The following WWP2 variants were observed in gnomAD, a reference collection of about 807,000 sequenced individuals.
The protein encoded by WWP2 is NEDD4-like E3 ubiquitin-protein ligase WWP2.
A neutral mutation model predicts 121.0 loss-of-function variants in WWP2; 57 were observed. That is an observed-to-expected ratio of 0.47 (90% CI 0.38 to 0.59). The LOEUF is 0.59. Ranked by LOEUF, WWP2 falls within the 20% of genes least tolerant of loss-of-function variation. The pLI is 0.00. For missense variants in WWP2, 962 were observed against 1,158.9 expected (o/e 0.83, Z 2.47); for synonymous variants, 449 against 441.3 (o/e 1.02, Z -0.22).
intron 15 of WWP2, 69 bp from the exon 16 acceptor site, chr16:69,931,733 C>T: frequency 6.3e-7 from 1 of 1,584,132 alleles, no homozygotes; most frequent in Non-Finnish European, 8.7e-7. Flanking sequence ...TTAGAGTCCC[C>T]TGTCCCTCCC....
At chr16:69,815,436 C>T (rs2056470100) in intron 4 of WWP2, among the ~76,000 whole-genome samples, 2 of 150,966 alleles carry the variant, frequency 1.3e-5, no homozygotes, top group African/African-American at 4.9e-5. Context: ...GAGCTATGAT[C>T]ATGGCACTGT....
At chr16:69,885,738 G>A (rs1339065854) in intron 7 of WWP2, among the ~76,000 whole-genome samples, 1 of 152,178 alleles carries the variant, frequency 6.6e-6, no homozygotes, top group Non-Finnish European at 1.5e-5. Flanking sequence ...TAGCCTCTTT[G>A]AGCTATAGTT....
At position 69,917,667 on chromosome 16, in the gene WWP2, G is replaced by A. The variant is rs200079228; in HGVS notation, c.1005-42G>A. ...ACTTTTCTAGAATTGGGGGATGGGA[G>A]TGGGGTGGTCATTATATTCATTCTG... On this transcript the variant is annotated intron_variant, in intron 9 of 23. Coordinates refer to ENST00000359154, the MANE Select transcript of WWP2 (RefSeq NM_001270454.2). 902 of 1,588,444 alleles carry A rather than the reference G, an allele frequency of 5.7e-4. 2 individuals carry two copies. Among genetic ancestry groups the A allele is most frequent in the Non-Finnish European group, 7.1e-4 (828 of 1,159,362 alleles).
intron 4 of WWP2, among the ~76,000 whole-genome samples, chr16:69,830,340 C>T (rs141631106): frequency 0.032 from 4,828 of 152,120 alleles, 242 homozygotes; most frequent in African/African-American, 0.11. Context: ...CCTCCTGCCT[C>T]GGCCTCCCAA....
Position 69,850,467 on chromosome 16 carries a change from G to A in WWP2, c.575+8347G>A, listed in dbSNP as rs150711615. Among the ~76,000 whole-genome samples, 333 of 152,076 alleles carry A rather than the reference G, an allele frequency of 2.2e-3. 2 individuals carry two copies. The highest frequency in any genetic ancestry group is 5.6e-3 in the South Asian group (27 of 4,806). On this transcript the variant is annotated intron_variant, in intron 6 of 23. Transcript: ENST00000359154. ...TAGTAGGAGACAGATGCATGGATGA[G>A]TTAGAGTCTAGTGTGATGGATCCAT...
intron 23 of WWP2, 84 bp downstream of exon 23, chr16:69,939,497 A>C (rs1485466087): frequency 6.9e-6 from 10 of 1,450,882 alleles, no homozygotes; most frequent in African/African-American, 1.4e-5. Context: ...TAGCAGCTTC[A>C]TAGCCTCGAG....
At position 69,799,267 on chromosome 16, in the gene WWP2, C is replaced by T. The variant is rs1227193784; in HGVS notation, c.312C>T (p.Ser104=). 2.5e-6 allele frequency: 4 copies of T among 1,614,074 alleles called. No homozygotes were observed. The highest frequency in any genetic ancestry group is 2.2e-5 in the East Asian group (1 of 44,876). Residue 104 remains serine (S), a synonymous_variant, in exon 4 of 24, where the codon TCC becomes TCT. Coordinates refer to ENST00000359154, the MANE Select transcript of WWP2 (RefSeq NM_001270454.2). This position sits in a 1 kb window ranked among gnomAD's most constrained non-coding sequence, Gnocchi z 4.5. ...ELLGTASVNL[S]NVLKNNGGKM... ...TAGGCACCGCATCTGTCAACCTCTCCAACGTCTTGAAGAACAATGGGGGCA... is the reference window on the plus strand; with the variant it reads ...TAGGCACCGCATCTGTCAACCTCTCTAACGTCTTGAAGAACAATGGGGGCA...
At chr16:69,813,887 A>G (rs552881200) in intron 4 of WWP2, among the ~76,000 whole-genome samples, 1 of 152,300 alleles carries the variant, frequency 6.6e-6, no homozygotes, top group East Asian at 1.9e-4. Flanking sequence ...AACATAATCC[A>G]ATATAGGTAA....
chr16:69,768,484 C>A lies in WWP2; in HGVS notation c.-16+6093C>A, dbSNP rs545733937. ...AATTAGCTAGGCGTGGTGGCAGACA[C>A]CTGTAATCCCAGCTACTTGGGAGCC... is the stretch of plus-strand genomic sequence containing the variant. On this transcript the variant is annotated intron_variant, in intron 1 of 23. Coordinates refer to ENST00000359154, the MANE Select transcript of WWP2 (RefSeq NM_001270454.2). Among the ~76,000 whole-genome samples, 4 of 152,228 alleles carry A rather than the reference C, an allele frequency of 2.6e-5. No individual in the cohort carries two copies. The South Asian group carries it at 8.3e-4, about 32-fold the overall frequency.
intron 4 of WWP2, among the ~76,000 whole-genome samples, chr16:69,816,774 C>T (rs2056500805): frequency 6.6e-6 from 1 of 152,062 alleles, no homozygotes. Context: ...CACATACACA[C>T]ATACACATAT....
In WWP2 at chr16:69,935,854, C is replaced by T. The variant is rs779594319; in HGVS notation, c.1844C>T (p.Ala615Val). 1 of 1,612,050 alleles carries T rather than the reference C, an allele frequency of 6.2e-7. No individual in the cohort carries two copies. The highest frequency in any genetic ancestry group is 1.1e-5 in the South Asian group (1 of 90,742). ...TGTGCTGTGCCTCTTCCTTCCCAGG[C>T]GCTGTACCATGGAAAGTTCATCGAC... ...FRFIGRFIAM[A>V]LYHGKFIDTG... The change falls in exon 18 of 24, where the codon GCG (alanine) becomes GTG (valine). Residue 615 changes from alanine to valine, a missense_variant and splice_region_variant. Ala to Val is a moderately conservative substitution (Grantham distance 64). This residue lies in a region of WWP2 where 606 missense variants were observed against 772.6 expected (regional missense o/e 0.78). Coordinates refer to ENST00000359154, the MANE Select transcript of WWP2 (RefSeq NM_001270454.2). This position sits in a 1 kb window ranked among gnomAD's most constrained non-coding sequence, Gnocchi z 5.2.
chr16:69,796,963 TG>T (rs1422602350), intron 2 of WWP2, among the ~76,000 whole-genome samples: 3 of 152,222 alleles, frequency 2.0e-5, no homozygotes, highest in Non-Finnish European at 4.4e-5. Context: ...CAGAAGAGTC[TG>T]GGAGGGAGGG....
Position 69,941,534 on chromosome 16 carries a change from G to T in WWP2, c.*1594G>T. On this transcript the variant is annotated 3_prime_UTR_variant, in exon 24 of 24. Transcript: ENST00000359154. ...ATGGAAGCCGCTCCAGGGTGGGTCA[G>T]GGTGCAAGCTGCTGGTGAGGTTTGG... 6.5e-6 allele frequency: 1 copy of T among 154,150 alleles called. No individual in the cohort carries two copies. Among genetic ancestry groups the T allele is most frequent in the Non-Finnish European group, 1.5e-5 (1 of 68,240 alleles). The allele number at this position is 154,150 out of a possible 1,614,324, so 9.5% of individuals were successfully genotyped here. A position where few individuals can be genotyped will look rare whatever the true frequency, so the allele number is the denominator to read the frequency against.
At chr16:69,904,224 G>C (rs945470031) in intron 8 of WWP2, among the ~76,000 whole-genome samples, 6 of 152,222 alleles carry the variant, frequency 3.9e-5, no homozygotes, top group Non-Finnish European at 7.3e-5. Flanking sequence ...TGAAGCTACA[G>C]TATGTCGGCT....
At chr16:69,916,440 A>G (rs187426283) in intron 9 of WWP2, among the ~76,000 whole-genome samples, 15 of 152,220 alleles carry the variant, frequency 9.9e-5, no homozygotes, top group Non-Finnish European at 1.6e-4. Context: ...TTTGAGCAGG[A>G]GTGTGACCGA....
chr16:69,910,610 C>T (rs2058365838), intron 9 of WWP2, among the ~76,000 whole-genome samples: 1 of 152,116 alleles, frequency 6.6e-6, no homozygotes. Context: ...AGGGTTTCAC[C>T]ATTTTGGCCA....
At chr16:69,863,926 A>G (rs2057472647) in intron 6 of WWP2, among the ~76,000 whole-genome samples, 1 of 152,194 alleles carries the variant, frequency 6.6e-6, no homozygotes, top group African/African-American at 2.4e-5. Context: ...TTATTCCACT[A>G]TGTGTATGTA....
chr16:69,824,513 C>CCCCTCCCCCT (rs1425127439), intron 4 of WWP2, among the ~76,000 whole-genome samples: 4 of 138,892 alleles, frequency 2.9e-5, no homozygotes, highest in African/African-American at 7.9e-5. Context: ...CCTCCCTTCC[C>CCCCTCCCCCT]CCCTCCCCCT....
Position 69,939,952 on chromosome 16 carries a change from C to T in WWP2, c.*12C>T, listed in dbSNP as rs374029799. The T allele has an allele frequency of 6.2e-7, 1 of 1,607,274 alleles. No homozygotes were observed. The highest frequency in any genetic ancestry group is 8.5e-7 in the Non-Finnish European group (1 of 1,175,704). ...TTGGACAGGAGTAACCGAGGCCGCC[C>T]CTCCCACGCCCCCCAGCGCACATGT... On this transcript the variant is annotated 3_prime_UTR_variant, in exon 24 of 24. Coordinates refer to ENST00000359154, the MANE Select transcript of WWP2 (RefSeq NM_001270454.2).
Sources: gnomAD v4.1 joint callset for allele counts (sites outside exome capture counted in the v4.1 genomes callset) on GRCh38, gnomAD v4.1.1 for gene constraint, gnomAD v4.1.1 regional missense constraint, Gnocchi (gnomAD v3.1) non-coding constraint, MANE v1.5 for transcripts, NCBI Gene and HGNC (gene_info 2026-07-23, HGNC 2026-07-21) for gene names.